HMGCS1: variants seen among roughly 807,000 people sequenced by gnomAD.
HMGCS1 encodes 3-hydroxy-3-methylglutaryl-CoA synthase 1.
In HMGCS1, 9 loss-of-function variants were observed where a neutral mutation model predicts 52.3. The ratio of observed to expected loss-of-function variants is 0.17; its 90% CI spans 0.10 to 0.30. The LOEUF is 0.30. Ranked by LOEUF, HMGCS1 falls within the 10% of genes least tolerant of loss-of-function variation. The pLI, the probability that HMGCS1 is intolerant of heterozygous loss-of-function variation, is 1.00. For missense variants in HMGCS1, 320 were observed against 620.9 expected (o/e 0.52, Z 5.15); for synonymous variants, 176 against 214.4 (o/e 0.82, Z 1.57).
chr5:43,290,184 T>C lies in HMGCS1; in HGVS notation c.*947A>G, dbSNP rs1013146304. 6.6e-6 allele frequency: 1 copy of C among 152,312 alleles called. No individual in the cohort carries two copies. Among genetic ancestry groups the C allele is most frequent in the Non-Finnish European group, 1.5e-5 (1 of 67,980 alleles). 9.4% of individuals were successfully genotyped at this position (152,312 alleles called of 1,614,324 possible). A position where few individuals can be genotyped will look rare whatever the true frequency, so the allele number is the denominator to read the frequency against. ...ATGTTGAATTTATAACACTGAAGCA[T>C]CAGAAATAGCCTAATAATGCCCTGC... On this transcript the variant is annotated 3_prime_UTR_variant, in exon 11 of 11. Transcript: ENST00000325110.
chr5:43,310,180 A>AT (rs1754790484), intron 1 of HMGCS1, among the ~76,000 whole-genome samples: 1 of 152,234 alleles, frequency 6.6e-6, no homozygotes, highest in Non-Finnish European at 1.5e-5. Flanking sequence ...ACACTCTGGT[A>AT]TAGTTCTCCA....
intron 2 of HMGCS1, among the ~76,000 whole-genome samples, chr5:43,299,463 C>T (rs1342222497): frequency 6.6e-6 from 1 of 151,132 alleles, no homozygotes; most frequent in Non-Finnish European, 1.5e-5. Flanking sequence ...TCCTGGCTAA[C>T]ATGGTGAAAC....
chr5:43,310,946 C>T (rs557899690), intron 1 of HMGCS1, among the ~76,000 whole-genome samples: 18 of 152,176 alleles, frequency 1.2e-4, no homozygotes, highest in Non-Finnish European at 2.4e-4. Context: ...AAAGATTAGC[C>T]TCTCCGCTAC....
chr5:43,296,821 C>G (rs1195510674), intron 5 of HMGCS1, among the ~76,000 whole-genome samples, 181 bp downstream of exon 5: 1 of 152,166 alleles, frequency 6.6e-6, no homozygotes, highest in African/African-American at 2.4e-5. Context: ...CAAAGTTTAC[C>G]TCTTCTAGTA....
Position 43,298,939 on chromosome 5 carries a change from T to G in HMGCS1, c.27A>C (p.Ala9=), listed in dbSNP as rs1266125909. Residue 9 remains alanine (A), a synonymous_variant, in exon 3 of 11, where the codon GCA becomes GCC. Transcript: ENST00000325110. The surrounding 1 kb of genome is among the most constrained non-coding windows in gnomAD (Gnocchi z 5.6). ...CCACATCTTTTGGCCAGCAAGCTTC[T>G]GCATTCAAAGGAAGTGATCCAGGCA... The part of the protein sequence containing the change: MPGSLPLN[A]EACWPKDVGI... 6.2e-7 allele frequency: 1 copy of G among 1,613,408 alleles called. No homozygotes were observed. Among genetic ancestry groups the G allele is most frequent in the Non-Finnish European group, 8.5e-7 (1 of 1,179,768 alleles).
At chr5:43,296,907 A>T in intron 5 of HMGCS1, 95 bp downstream of exon 5, 1 of 836,944 alleles carries the variant, frequency 1.2e-6, no homozygotes, top group Non-Finnish European at 1.9e-6. Flanking sequence ...ATATTAAATG[A>T]AGAATGCCCA....
Position 43,306,257 on chromosome 5 carries a change from T to C in HMGCS1, c.-11+1509A>G, listed in dbSNP as rs150809263. Among the ~76,000 whole-genome samples, 3 of 152,232 alleles carry C rather than the reference T, an allele frequency of 2.0e-5. 1 individual carries two copies. Among genetic ancestry groups the C allele is most frequent in the African/African-American group, 7.2e-5 (3 of 41,524 alleles). On this transcript the variant is annotated intron_variant, in intron 2 of 10. Transcript: ENST00000325110. ...GCCTAGAATACATAAAAGACCTATATAGTTATTCTGAGAATAAATCTGGAA... is the reference window on the plus strand; with the variant it reads ...GCCTAGAATACATAAAAGACCTATACAGTTATTCTGAGAATAAATCTGGAA...
In HMGCS1 at chr5:43,298,723, G is replaced by T. The variant is rs1754158288; in HGVS notation, c.243C>A (p.Asn81Lys). ...TVVQNLMERN[N>K]LSYDCIGRLE... Reference sequence around the variant, plus strand: ...GCCGCCCAATGCAATCATAGGAAAGGTTATTTCTCTCCATAAGATTCTGAA... The same window carrying T: ...GCCGCCCAATGCAATCATAGGAAAGTTTATTTCTCTCCATAAGATTCTGAA... Residue 81 changes from asparagine (N) to lysine (K), a missense_variant, in exon 3 of 11, where the codon AAC (asparagine) becomes AAA (lysine). Around this residue, in one of 3 missense-constraint regions of HMGCS1, gnomAD observed 85 missense variants for 260.0 expected, o/e 0.33. Coordinates refer to ENST00000325110, the MANE Select transcript of HMGCS1 (RefSeq NM_001098272.3). The surrounding 1 kb of genome is among the most constrained non-coding windows in gnomAD (Gnocchi z 5.6). 6.8e-6 allele frequency: 11 copies of T among 1,614,192 alleles called. No individual in the cohort carries two copies. The highest frequency in any genetic ancestry group is 9.3e-6 in the Non-Finnish European group (11 of 1,180,028).
Position 43,292,524 on chromosome 5 carries a change from C to T in HMGCS1, c.1423G>A (p.Asp475Asn), listed in dbSNP as rs994527072. ...AGTCCTACTCCTTCATCCAAAGTGT[C>T]ATCATTTGGAGTGGGACGCCGAGCG... is the stretch of plus-strand genomic sequence containing the variant. ...TYARRPTPNDDTLDEGVGLVH... is the reference protein window; with the variant it reads ...TYARRPTPNDNTLDEGVGLVH... The change falls in exon 10 of 11, where the codon GAC (aspartate) becomes AAC (asparagine). Residue 475 changes from aspartate to asparagine, a missense_variant. Physicochemically the swap from Asp to Asn is conservative, Grantham distance 23 (BLOSUM62 1). Coordinates refer to ENST00000325110, the MANE Select transcript of HMGCS1 (RefSeq NM_001098272.3). The T allele has an allele frequency of 1.2e-6, 2 of 1,613,784 alleles. No homozygotes were observed. The highest frequency in any genetic ancestry group is 1.7e-5 in the Admixed American group (1 of 59,994).
chr5:43,308,657 CTGAT>C (rs956856130), intron 1 of HMGCS1, among the ~76,000 whole-genome samples: 2 of 152,140 alleles, frequency 1.3e-5, no homozygotes, highest in Non-Finnish European at 2.9e-5. Context: ...TTTTGAAAGA[CTGAT>C]TGTTACTTGA....
In HMGCS1 at chr5:43,292,966, A is replaced by G. The variant is rs1753853068; in HGVS notation, c.1191T>C (p.Ala397=). 1.3e-6 allele frequency: 2 copies of G among 1,597,898 alleles called. No individual in the cohort carries two copies. The highest frequency in any genetic ancestry group is 1.7e-6 in the Non-Finnish European group (2 of 1,174,758). ...KVTQDATPGS[A]LDKITASLCD... Reference sequence around the variant, plus strand: ...ATAAACTTGCTGTTATTTTATCAAGAGCAGACCCTAAAATAGTGAATAATT... The same window carrying G: ...ATAAACTTGCTGTTATTTTATCAAGGGCAGACCCTAAAATAGTGAATAATT... The change falls in exon 9 of 11, where the codon GCT becomes GCC. Residue 397 remains alanine (A), a synonymous_variant. Transcript: ENST00000325110.
At chr5:43,310,275 T>C (rs937417719) in intron 1 of HMGCS1, among the ~76,000 whole-genome samples, 4 of 152,232 alleles carry the variant, frequency 2.6e-5, no homozygotes, top group Admixed American at 1.3e-4. Context: ...GGCCCTGTTC[T>C]AAGTCACCTC....
rs377064241 is a variant in HMGCS1 at position 43,308,970 on chromosome 5, A to C, written c.-69-1146T>G. On this transcript the variant is annotated intron_variant, in intron 1 of 10. Transcript: ENST00000325110. Reference sequence around the variant, plus strand: ...CTACAATATTCCAAAAATGTCTCTAATTAACTGTAATTATACATACTTTGA... The same window carrying C: ...CTACAATATTCCAAAAATGTCTCTACTTAACTGTAATTATACATACTTTGA... 5.8e-4 allele frequency among the ~76,000 whole-genome samples: 88 copies of C among 152,210 alleles called. 2 individuals are homozygous for C. In the South Asian group the frequency reaches 0.018, roughly 31 times the overall value.
rs771200209 is a variant in HMGCS1, at chr5:43,297,184, G to A, written c.575-18C>T. On this transcript the variant is annotated intron_variant, in intron 4 of 10. Transcript: ENST00000325110. Reference sequence around the variant, plus strand: ...ACGAAGCCCTATTAGAACCAAAAAGGAAGATGTCTATATATTTCTGCTTCT... The same window carrying A: ...ACGAAGCCCTATTAGAACCAAAAAGAAAGATGTCTATATATTTCTGCTTCT... 3.1e-6 allele frequency: 5 copies of A among 1,602,038 alleles called. No homozygotes were observed. In the Admixed American group the frequency reaches 6.8e-5, roughly 22 times the overall value.
chr5:43,294,451 G>A, intron 7 of HMGCS1: 4 of 493,946 alleles, frequency 8.1e-6, no homozygotes, highest in Non-Finnish European at 1.4e-5. Context: ...TGTAGGTCAA[G>A]AATTAAAAAA....
rs892917174 is a variant in HMGCS1 at position 43,290,139 on chromosome 5, A to T, written c.*992T>A. ...AGGAAAAGAGCTGTGTTACACCATG[A>T]ATTTAGGTTGTCAGCCTCTATGTTG... is the stretch of plus-strand genomic sequence containing the variant. On this transcript the variant is annotated 3_prime_UTR_variant, in exon 11 of 11. Coordinates refer to ENST00000325110, the MANE Select transcript of HMGCS1 (RefSeq NM_001098272.3). The T allele has an allele frequency of 2.0e-5, 3 of 152,484 alleles. No individual in the cohort carries two copies. Among genetic ancestry groups the T allele is most frequent in the African/African-American group, 7.2e-5 (3 of 41,392 alleles). The allele number at this position is 152,484 out of a possible 1,614,324, so 9.4% of individuals were successfully genotyped here. A position where few individuals can be genotyped will look rare whatever the true frequency, so the allele number is the denominator to read the frequency against.
intron 4 of HMGCS1, among the ~76,000 whole-genome samples, chr5:43,297,565 G>A (rs1262445456): frequency 6.6e-6 from 1 of 152,216 alleles, no homozygotes; most frequent in African/African-American, 2.4e-5. Context: ...TACAGGCCAG[G>A]CATGGTGGCT....
At chr5:43,294,505 T>C (rs1753935504) in intron 7 of HMGCS1, 186 bp downstream of exon 7, 1 of 504,656 alleles carries the variant, frequency 2.0e-6, no homozygotes, top group Non-Finnish European at 3.5e-6. Context: ...AATTAACAAA[T>C]ACTTCTGGAA....
chr5:43,301,282 T>G (rs142609116), intron 2 of HMGCS1, among the ~76,000 whole-genome samples: 171 of 152,304 alleles, frequency 1.1e-3, no homozygotes, highest in African/African-American at 3.6e-3. Flanking sequence ...AGGTAAATAA[T>G]AGATTAGAAT....
Sources: gnomAD v4.1 joint callset for allele counts (sites outside exome capture counted in the v4.1 genomes callset) on GRCh38, gnomAD v4.1.1 for gene constraint, gnomAD v4.1.1 regional missense constraint, Gnocchi (gnomAD v3.1) non-coding constraint, MANE v1.5 for transcripts, NCBI Gene and HGNC (gene_info 2026-07-23, HGNC 2026-07-21) for gene names.